TMEM178B: variants seen among roughly 807,000 people sequenced by gnomAD.
The protein encoded by TMEM178B is transmembrane protein 178B.
TMEM178B carries 5 observed loss-of-function variants against 31.0 expected under a neutral mutation model. That is an observed-to-expected ratio of 0.16 (90% CI 0.08 to 0.34). The LOEUF (loss-of-function observed/expected upper bound fraction) is 0.34. Among genes scored for constraint, TMEM178B ranks in the 10% least tolerant of loss-of-function variants. The probability of loss-of-function intolerance (pLI) is 1.00; values close to 1 mark genes in which losing one functional copy is unlikely to be tolerated. For missense variants in TMEM178B, 275 were observed against 400.3 expected, an observed-to-expected ratio of 0.69 and a Z score of 2.67; for synonymous variants, 164 against 164.0, an observed-to-expected ratio of 1.00 and a Z score of 0.00.
intron 1 of TMEM178B, among the ~76,000 whole-genome samples, chr7:141,162,231 G>C (rs1351952083): frequency 1.3e-5 from 2 of 152,196 alleles, no homozygotes; most frequent in Non-Finnish European, 2.9e-5. Flanking sequence ...GCTCCTGCTG[G>C]CTGTTGTCCT....
the TMEM178B span, among the ~76,000 whole-genome samples, chr7:141,492,980 T>C: frequency 6.6e-6 from 1 of 152,194 alleles, no homozygotes; most frequent in Non-Finnish European, 1.5e-5. Flanking sequence ...GATGTGTGTG[T>C]GTTGCAGTTG....
chr7:141,186,248 C>T (rs544178807), intron 1 of TMEM178B, among the ~76,000 whole-genome samples: 1 of 152,228 alleles, frequency 6.6e-6, no homozygotes, highest in African/African-American at 2.4e-5. Flanking sequence ...GCAGGTGGTG[C>T]CAATAGCCCT....
Position 141,074,459 on chromosome 7 carries a change from G to T in TMEM178B, c.149G>T (p.Arg50Leu). ...RDRCKAFNTR[R>L]VDPGFIYNNN... ...AGGTGCAAGGCCTTCAACACCCGCC[G>T]GGTCGACCCCGGCTTCATTTACAAC... Residue 50 changes from arginine (R) to leucine (L), a missense_variant, in exon 1 of 4, where the codon CGG becomes CTG. Transcript: ENST00000565468. This position sits in a 1 kb window ranked among gnomAD's most constrained non-coding sequence, Gnocchi z 5.1. The T allele has an allele frequency of 1.3e-6, 2 of 1,536,100 alleles. No homozygotes were observed. Among genetic ancestry groups the T allele is most frequent in the Non-Finnish European group, 1.7e-6 (2 of 1,146,874 alleles).
At chr7:141,188,323 T>C (rs1174938700) in intron 1 of TMEM178B, among the ~76,000 whole-genome samples, 1 of 152,190 alleles carries the variant, frequency 6.6e-6, no homozygotes, top group Non-Finnish European at 1.5e-5. Flanking sequence ...CTGAAGACAC[T>C]CAAAGGAAAT....
chr7:141,147,763 A>C (rs928692029), intron 1 of TMEM178B, among the ~76,000 whole-genome samples: 1 of 152,162 alleles, frequency 6.6e-6, no homozygotes, highest in Non-Finnish European at 1.5e-5. Context: ...AGAGGGATTG[A>C]GCTGAGGATG....
rs542900234 is a variant in TMEM178B at position 141,271,979 on chromosome 7, T to C, written c.496+59275T>C. 5.5e-4 allele frequency among the ~76,000 whole-genome samples: 84 copies of C among 152,318 alleles called. 1 individual carries two copies. The South Asian group carries it at 0.017, about 31-fold the overall frequency. On this transcript the variant is annotated intron_variant, in intron 2 of 3. Coordinates refer to ENST00000565468, the MANE Select transcript of TMEM178B (RefSeq NM_001195278.2). ...TGCCTCATCTTCATGTCCTTGCACA[T>C]ATTGTCCCATTGCTTGGGCCTCCTT...
chr7:141,274,829 AAGCAGGGACCAAGGAGGC>A (rs1798240177), intron 2 of TMEM178B, among the ~76,000 whole-genome samples: 1 of 152,166 alleles, frequency 6.6e-6, no homozygotes, highest in African/African-American at 2.4e-5. Flanking sequence ...GCCTTCTAAA[AAGCAGGGACCAAGGAGGC>A]AGCTCTGTTG....
chr7:141,413,888 A>T (rs1003325731), intron 2 of TMEM178B, among the ~76,000 whole-genome samples: 1 of 150,822 alleles, frequency 6.6e-6, no homozygotes, highest in Non-Finnish European at 1.5e-5. Flanking sequence ...AAAGAGGAAT[A>T]AAAAAAATCA....
intron 1 of TMEM178B, among the ~76,000 whole-genome samples, chr7:141,211,894 T>C (rs1413756655): frequency 6.6e-6 from 1 of 152,166 alleles, no homozygotes; most frequent in Non-Finnish European, 1.5e-5. Flanking sequence ...TTGTAGCAAG[T>C]TCCTAGGGAA....
At chr7:141,259,360 A>G (rs1422530727) in intron 2 of TMEM178B, among the ~76,000 whole-genome samples, 2 of 152,196 alleles carry the variant, frequency 1.3e-5, no homozygotes, top group Non-Finnish European at 2.9e-5. Context: ...TTCATTAAAT[A>G]TGGTTTCCTT....
Position 141,146,261 on chromosome 7 carries a change from T to G in TMEM178B, c.383-66330T>G, listed in dbSNP as rs190408708. ...CAAGTCCACTTGACTTTAAGGCTGG[T>G]GTCCATCCCCAGAGGGCCTGTTACT... On this transcript the variant is annotated intron_variant, in intron 1 of 3. Transcript: ENST00000565468. Among the ~76,000 whole-genome samples the G allele has an allele frequency of 6.0e-4, 91 of 152,316 alleles. 1 individual carries two copies. Among genetic ancestry groups the G allele is most frequent in the African/African-American group, 2.0e-3 (85 of 41,574 alleles).
intron 2 of TMEM178B, among the ~76,000 whole-genome samples, chr7:141,385,052 A>G (rs1800405738): frequency 6.6e-6 from 1 of 152,218 alleles, no homozygotes; most frequent in Non-Finnish European, 1.5e-5. Flanking sequence ...GTACCCCTGA[A>G]TTCAAAATGA....
At chr7:141,412,476 T>G (rs1168094155) in intron 2 of TMEM178B, among the ~76,000 whole-genome samples, 1 of 152,198 alleles carries the variant, frequency 6.6e-6, no homozygotes, top group Non-Finnish European at 1.5e-5. Flanking sequence ...GGTTTCTGCC[T>G]TGGGATCATG....
chr7:141,222,949 A>G (rs1342020072), intron 2 of TMEM178B, among the ~76,000 whole-genome samples: 2 of 152,222 alleles, frequency 1.3e-5, no homozygotes, highest in East Asian at 3.8e-4. Context: ...ATAAGAATGC[A>G]ATTTAGACAC....
chr7:141,204,213 T>A (rs571817726), intron 1 of TMEM178B, among the ~76,000 whole-genome samples: 1 of 152,254 alleles, frequency 6.6e-6, no homozygotes, highest in East Asian at 1.9e-4. Flanking sequence ...GGGAAGCCAG[T>A]CAAGAAGGTG....
chr7:141,405,441 T>C (rs1386800656), intron 2 of TMEM178B, among the ~76,000 whole-genome samples: 1 of 152,232 alleles, frequency 6.6e-6, no homozygotes, highest in African/African-American at 2.4e-5. Context: ...ACATGGACCT[T>C]ATTTGATTTT....
intron 3 of TMEM178B, among the ~76,000 whole-genome samples, chr7:141,466,893 G>A (rs945350963): frequency 1.3e-5 from 2 of 152,102 alleles, no homozygotes; most frequent in African/African-American, 4.8e-5. Flanking sequence ...AGTAGGTGAG[G>A]CACGAGCAGG....
At chr7:141,235,219 C>G (rs1233602774) in intron 2 of TMEM178B, among the ~76,000 whole-genome samples, 1 of 152,182 alleles carries the variant, frequency 6.6e-6, no homozygotes, top group Non-Finnish European at 1.5e-5. Context: ...ATGAAGCCTT[C>G]TGATTTATTG....
intron 1 of TMEM178B, among the ~76,000 whole-genome samples, chr7:141,202,798 G>A (rs1171892887): frequency 1.3e-5 from 2 of 152,036 alleles, no homozygotes; most frequent in South Asian, 4.2e-4. Flanking sequence ...TTTTAAATAG[G>A]GAGAGCTCCT....
Sources: gnomAD v4.1 joint callset for allele counts (sites outside exome capture counted in the v4.1 genomes callset) on GRCh38, gnomAD v4.1.1 for gene constraint, Gnocchi (gnomAD v3.1) non-coding constraint, MANE v1.5 for transcripts, NCBI Gene and HGNC (gene_info 2026-07-23, HGNC 2026-07-21) for gene names.